Variants in CCDC110 observed in about 807,000 individuals in gnomAD.
The protein encoded by CCDC110 is coiled-coil domain-containing protein 110.
A neutral mutation model predicts 77.1 loss-of-function variants in CCDC110; 70 were observed. That is an observed-to-expected ratio of 0.91 (90% CI 0.75 to 1.11). The LOEUF is 1.11. CCDC110 is among the 50% of genes least tolerant of loss of function. CCDC110 has a pLI of 0.00. For synonymous variants in CCDC110, 295 were observed against 312.5 expected, an observed-to-expected ratio of 0.94 and a Z score of 0.59; for missense variants, 868 against 942.9, an observed-to-expected ratio of 0.92 and a Z score of 1.04.
At chr4:185,449,350 G>T (rs2095624448) in intron 6 of CCDC110, among the ~76,000 whole-genome samples, 1 of 151,956 alleles carries the variant, frequency 6.6e-6, no homozygotes, top group Non-Finnish European at 1.5e-5. Flanking sequence ...GCAAAACTCT[G>T]TCTCTACAAA....
At chr4:185,471,592 C>CG (rs886334355) in intron 1 of CCDC110, 82 bp downstream of exon 1, 10 of 1,458,880 alleles carry the variant, frequency 6.9e-6, no homozygotes, top group Non-Finnish European at 9.3e-6. Context: ...GGTTTTCGAG[C>CG]GGGGAGCCGC....
chr4:185,445,547 G>A lies in CCDC110; in HGVS notation c.2462-5C>T, dbSNP rs199632522. 9 of 1,504,358 alleles carry A rather than the reference G, an allele frequency of 6.0e-6. No individual in the cohort carries two copies. The highest frequency in any genetic ancestry group is 7.3e-6 in the Non-Finnish European group (8 of 1,089,844). 93.2% of individuals were successfully genotyped at this position (1,504,358 alleles called of 1,614,324 possible). A position where few individuals can be genotyped will look rare whatever the true frequency, so the allele number is the denominator to read the frequency against. On this transcript the variant is annotated splice_polypyrimidine_tract_variant and splice_region_variant and intron_variant, in intron 6 of 6. Coordinates refer to ENST00000307588, the MANE Select transcript of CCDC110 (RefSeq NM_152775.4). Reference sequence around the variant, plus strand: ...TGTCTTTAACTTTGAAATAACCTATGAAAATAGAAAATATTCTGGTTAATT... The same window carrying A: ...TGTCTTTAACTTTGAAATAACCTATAAAAATAGAAAATATTCTGGTTAATT...
rs773624975 is a variant in CCDC110, at chr4:185,461,063, T to C, written c.334A>G (p.Ile112Val). 2.0e-5 allele frequency: 31 copies of C among 1,540,798 alleles called. No individual in the cohort carries two copies. In the Admixed American group the frequency reaches 2.9e-4, roughly 15 times the overall value. ...GAATAACATACCAAATCCTTTTCAA[T>C]GCGCGTGCCAAACACCAGATTTTTT... ...SEKNLVFGTRIEKDLPTENQE... is the reference protein window; with the variant it reads ...SEKNLVFGTRVEKDLPTENQE... The change falls in exon 5 of 7, where the codon ATT (isoleucine) becomes GTT (valine). Residue 112 changes from isoleucine to valine, a missense_variant. By Grantham distance (29) the Ile-to-Val change is conservative. Transcript: ENST00000307588.
At chr4:185,451,465 T>C (rs2095629139) in intron 6 of CCDC110, among the ~76,000 whole-genome samples, 1 of 152,170 alleles carries the variant, frequency 6.6e-6, no homozygotes, top group Non-Finnish European at 1.5e-5. Context: ...GTACAGATAA[T>C]TTTTACAATT....
chr4:185,462,900 G>T, intron 3 of CCDC110, 94 bp downstream of exon 3: 1 of 1,146,366 alleles, frequency 8.7e-7, no homozygotes, highest in Non-Finnish European at 1.3e-6. Context: ...AGGATAAAGT[G>T]AGAGAACCCG....
chr4:185,470,815 G>T, intron 2 of CCDC110, 130 bp downstream of exon 2: 1 of 761,750 alleles, frequency 1.3e-6, no homozygotes, highest in South Asian at 1.4e-5. Context: ...GGCACAAAGC[G>T]CGAGTGCCGT....
rs75860057 is a variant in CCDC110 at position 185,468,625 on chromosome 4, C to T, written c.115+2320G>A. Among the ~76,000 whole-genome samples, 2,447 of 152,184 alleles carry T rather than the reference C, an allele frequency of 0.016. 46 individuals are homozygous for T. Among genetic ancestry groups the T allele is most frequent in the East Asian group, 0.08 (412 of 5,172 alleles). On this transcript the variant is annotated intron_variant, in intron 2 of 6. Coordinates refer to ENST00000307588, the MANE Select transcript of CCDC110 (RefSeq NM_152775.4). This position sits in a 1 kb window ranked among gnomAD's most constrained non-coding sequence, Gnocchi z 4.5. ...TTGCAGTTGCCATTCTCTCTGCCTG[C>T]GGTGCTCTTTCCCTAGAAATCTGCA...
intron 2 of CCDC110, among the ~76,000 whole-genome samples, chr4:185,465,423 C>T (rs533734337): frequency 6.6e-6 from 1 of 152,322 alleles, no homozygotes; most frequent in East Asian, 1.9e-4. Flanking sequence ...ATGTTGTCTA[C>T]ATATATTTTC....
intron 6 of CCDC110, chr4:185,452,345 G>A (rs1039695369): frequency 1.9e-5 from 19 of 985,284 alleles, no homozygotes; most frequent in Non-Finnish European, 2.0e-5. Flanking sequence ...GCTACAAACT[G>A]TCTGCTTACA....
Position 185,463,017 on chromosome 4 carries a change from T to G in CCDC110, c.148A>C (p.Ile50Leu), listed in dbSNP as rs755485399. The change falls in exon 3 of 7, where the codon ATC (isoleucine) becomes CTC (leucine). Residue 50 changes from isoleucine to leucine, a missense_variant. By Grantham distance (5) the Ile-to-Leu change is conservative (BLOSUM62 2). Coordinates refer to ENST00000307588, the MANE Select transcript of CCDC110 (RefSeq NM_152775.4). ...ACTTTCAATGCTGATTGTGGTTGGA[T>G]TTGATTTTCTGATTCTGCTATGCAG... ...YGCIAESENQ[I>L]QPQSALKVLQ... 1.1e-5 allele frequency: 17 copies of G among 1,613,696 alleles called. No homozygotes were observed. The highest frequency in any genetic ancestry group is 1.4e-5 in the Non-Finnish European group (16 of 1,179,726).
chr4:185,450,933 GT>G (rs1463326587), intron 6 of CCDC110, among the ~76,000 whole-genome samples: 1 of 152,050 alleles, frequency 6.6e-6, no homozygotes, highest in Non-Finnish European at 1.5e-5. Context: ...GTGTGATATG[GT>G]TTTGCTGTGT....
intron 2 of CCDC110, among the ~76,000 whole-genome samples, chr4:185,469,475 T>TA (rs146178831): frequency 0.14 from 21,142 of 152,124 alleles, 2,645 homozygotes; most frequent in African/African-American, 0.33. Flanking sequence ...CTCATTCATG[T>TA]CAAAAAACAT....
intron 4 of CCDC110, 151 bp downstream of exon 4, chr4:185,462,492 C>T (rs1475021429): frequency 1.6e-6 from 1 of 626,410 alleles, no homozygotes; most frequent in African/African-American, 1.8e-5. Context: ...AATGTAGTTT[C>T]TTTAAAATAA....
At chr4:185,467,374 G>A (rs1180959893) in intron 2 of CCDC110, among the ~76,000 whole-genome samples, 1 of 152,144 alleles carries the variant, frequency 6.6e-6, no homozygotes, top group Non-Finnish European at 1.5e-5. Flanking sequence ...TTAAAAACTA[G>A]GCAATACTTA....
At chr4:185,464,408 C>T (rs1017856584) in intron 2 of CCDC110, among the ~76,000 whole-genome samples, 1 of 152,068 alleles carries the variant, frequency 6.6e-6, no homozygotes, top group African/African-American at 2.4e-5. Context: ...AGCTTTGCCT[C>T]CACCTTCAGT....
intron 6 of CCDC110, among the ~76,000 whole-genome samples, chr4:185,447,821 A>G (rs570010528): frequency 1.3e-5 from 2 of 152,332 alleles, no homozygotes; most frequent in African/African-American, 2.4e-5. Context: ...CTAAATTGCT[A>G]TGATACCAAA....
At chr4:185,471,618 C>T (rs749078805) in intron 1 of CCDC110, 56 bp downstream of exon 1, 40 of 1,543,532 alleles carry the variant, frequency 2.6e-5, no homozygotes, top group Non-Finnish European at 3.0e-5. Context: ...GAATGCCCTT[C>T]TGCTGCCCTC....
At chr4:185,471,568 C>T in intron 1 of CCDC110, 106 bp downstream of exon 1, 1 of 1,287,648 alleles carries the variant, frequency 7.8e-7, no homozygotes, top group Non-Finnish European at 1.1e-6. Flanking sequence ...GAAGGGCGGA[C>T]CCGGGATGTC....
Position 185,459,505 on chromosome 4 carries a change from A to C in CCDC110, c.1082T>G (p.Ile361Ser). The change falls in exon 6 of 7, where the codon ATT becomes AGT. Residue 361 changes from isoleucine to serine, a missense_variant. By Grantham distance (142) the Ile-to-Ser change is moderately radical (BLOSUM62 -2). Coordinates refer to ENST00000307588, the MANE Select transcript of CCDC110 (RefSeq NM_152775.4). Reference sequence around the variant, plus strand: ...TGTAATATTTTTGCCAGTGATGGGAATTTCTTTATTGTTTTTCTCATTTTT... The same window carrying C: ...TGTAATATTTTTGCCAGTGATGGGACTTTCTTTATTGTTTTTCTCATTTTT... ...GKKNEKNNKE[I>S]PITGKNITDL... The C allele has an allele frequency of 6.2e-7, 1 of 1,613,382 alleles. No homozygotes were observed. Among genetic ancestry groups the C allele is most frequent in the African/African-American group, 1.3e-5 (1 of 75,010 alleles).
Sources: allele counts gnomAD v4.1 joint callset (sites outside exome capture counted in the v4.1 genomes callset), GRCh38; gene constraint gnomAD v4.1.1; non-coding constraint Gnocchi (gnomAD v3.1); transcripts MANE v1.5; gene names NCBI Gene and HGNC (gene_info 2026-07-23, HGNC 2026-07-21).